Variants in DNAL1 observed in about 807,000 individuals in gnomAD.
DNAL1 encodes chromosome 14 open reading frame 168.
DNAL1 carries 17 observed loss-of-function variants against 29.4 expected under a neutral mutation model. The ratio of observed to expected loss-of-function variants is 0.58; its 90% CI spans 0.40 to 0.87. DNAL1 has a LOEUF of 0.87. Among genes scored for constraint, DNAL1 ranks in the 40% least tolerant of loss-of-function variants. The pLI, the probability that DNAL1 is intolerant of heterozygous loss-of-function variation, is 0.00. For synonymous variants in DNAL1, 78 were observed against 76.3 expected (o/e 1.02, Z -0.12); for missense variants, 188 against 214.1 (o/e 0.88, Z 0.76).
chr14:73,666,338 A>C (rs1891476399), intron 4 of DNAL1, among the ~76,000 whole-genome samples: 1 of 152,228 alleles, frequency 6.6e-6, no homozygotes, highest in Non-Finnish European at 1.5e-5. Context: ...TCAAACCATG[A>C]CTAAAAAGCT....
chr14:73,695,842 C>A, intron 7 of DNAL1, 60 bp from the exon 8 acceptor site: 1 of 1,438,190 alleles, frequency 7.0e-7, no homozygotes, highest in South Asian at 1.2e-5. Flanking sequence ...AAAATATTTT[C>A]ATCTAGAATT....
At chr14:73,680,165 T>G (rs1486905408) in intron 5 of DNAL1, among the ~76,000 whole-genome samples, 1 of 152,198 alleles carries the variant, frequency 6.6e-6, no homozygotes, top group Non-Finnish European at 1.5e-5. Context: ...TTTATCAAAT[T>G]ATCTTAATAT....
At chr14:73,683,201 A>AGAAG (rs1330095860) in intron 5 of DNAL1, among the ~76,000 whole-genome samples, 1 of 152,112 alleles carries the variant, frequency 6.6e-6, no homozygotes, top group Non-Finnish European at 1.5e-5. Context: ...TTTAATAAGT[A>AGAAG]GAAGGGGTAT....
intron 2 of DNAL1, among the ~76,000 whole-genome samples, chr14:73,655,403 G>A (rs1385800301): frequency 6.7e-6 from 1 of 148,722 alleles, no homozygotes; most frequent in Non-Finnish European, 1.5e-5. Flanking sequence ...GGAGTGCAGT[G>A]GTGTGACCTC....
intron 5 of DNAL1, among the ~76,000 whole-genome samples, chr14:73,686,633 G>A (rs1486618209): frequency 6.6e-6 from 1 of 152,142 alleles, no homozygotes; most frequent in Non-Finnish European, 1.5e-5. Context: ...TTGAGCCCGG[G>A]GGAGGTTGAG....
In DNAL1 at chr14:73,650,932, A is replaced by T. The variant is rs748111843; in HGVS notation, c.4-3915A>T. Among the ~76,000 whole-genome samples, 10 of 152,342 alleles carry T rather than the reference A, an allele frequency of 6.6e-5. No individual in the cohort carries two copies. The East Asian group carries it at 1.9e-3, about 29-fold the overall frequency. ...GCTGGGACTACAGGCATGTGTCACC[A>T]AACCCAGCTGCTGAGAGCTTTTAAC... is the stretch of plus-strand genomic sequence containing the variant. On this transcript the variant is annotated intron_variant, in intron 1 of 7. Transcript: ENST00000553645.
Position 73,645,038 on chromosome 14 carries a change from G to T in DNAL1, c.-2G>T. ...AGAGCAGTGACAGTAGCAACCGCCG[G>T]AATGGTGAGTACCTTTCGGGCCGCG... On this transcript the variant is annotated 5_prime_UTR_variant, in exon 1 of 8. Coordinates refer to ENST00000553645, the MANE Select transcript of DNAL1 (RefSeq NM_031427.4). 1.2e-6 allele frequency: 2 copies of T among 1,609,528 alleles called. No individual in the cohort carries two copies. The highest frequency in any genetic ancestry group is 1.7e-4 in the Middle Eastern group (1 of 6,058).
At chr14:73,682,922 G>A (rs1416229030) in intron 5 of DNAL1, among the ~76,000 whole-genome samples, 1 of 142,018 alleles carries the variant, frequency 7.0e-6, no homozygotes, top group Non-Finnish European at 1.5e-5. Flanking sequence ...TGTTGCCCAG[G>A]CCAGAGTGCA....
At chr14:73,661,103 G>A (rs924755930) in intron 3 of DNAL1, among the ~76,000 whole-genome samples, 2 of 151,920 alleles carry the variant, frequency 1.3e-5, no homozygotes, top group African/African-American at 2.4e-5. Context: ...GGCGGAGGTC[G>A]CAGTGAACTG....
chr14:73,661,922 A>T, intron 3 of DNAL1, 65 bp from the exon 4 acceptor site: 1 of 1,091,964 alleles, frequency 9.2e-7, no homozygotes, highest in South Asian at 1.5e-5. Flanking sequence ...CACTAGTGTT[A>T]AGGAATAATT....
chr14:73,676,984 T>TTA (rs1555402312), intron 5 of DNAL1, among the ~76,000 whole-genome samples: 1 of 147,416 alleles, frequency 6.8e-6, no homozygotes, highest in Non-Finnish European at 1.5e-5. Context: ...TTTTTTTTTT[T>TTA]AATTGAGATG....
At chr14:73,659,099 C>A in intron 3 of DNAL1, 143 bp downstream of exon 3, 2 of 540,198 alleles carry the variant, frequency 3.7e-6, no homozygotes, top group East Asian at 3.1e-5. Flanking sequence ...TTGGCAAGGT[C>A]AAACATGAAA....
chr14:73,653,296 G>T (rs1174954358), intron 1 of DNAL1: 2 of 152,166 alleles, frequency 1.3e-5, no homozygotes, highest in Non-Finnish European at 2.9e-5. Flanking sequence ...GGAACTCAGA[G>T]TATGCGTGTG....
chr14:73,667,993 CT>C (rs943843279), intron 4 of DNAL1, among the ~76,000 whole-genome samples: 1 of 152,134 alleles, frequency 6.6e-6, no homozygotes, highest in Non-Finnish European at 1.5e-5. Context: ...ATTACTCTTC[CT>C]TCATTCTCTC....
chr14:73,688,664 C>T (rs1299864687), intron 6 of DNAL1, among the ~76,000 whole-genome samples: 1 of 152,096 alleles, frequency 6.6e-6, no homozygotes, highest in Non-Finnish European at 1.5e-5. Context: ...TTCTGCAATA[C>T]AGATTTGAAT....
chr14:73,648,516 G>A (rs372194725), intron 1 of DNAL1, among the ~76,000 whole-genome samples: 1 of 147,972 alleles, frequency 6.8e-6, no homozygotes, highest in Non-Finnish European at 1.5e-5. Context: ...CACCTCCCGG[G>A]ATCCTCCCAC....
At chr14:73,661,432 A>G (rs1891354052) in intron 3 of DNAL1, among the ~76,000 whole-genome samples, 1 of 152,190 alleles carries the variant, frequency 6.6e-6, no homozygotes, top group Non-Finnish European at 1.5e-5. Context: ...TGGTCAAGAA[A>G]TGTATGCATT....
At chr14:73,676,052 T>A (rs889638022) in intron 5 of DNAL1, among the ~76,000 whole-genome samples, 5 of 150,066 alleles carry the variant, frequency 3.3e-5, no homozygotes, top group East Asian at 2.0e-4. Flanking sequence ...AATAAAATAT[T>A]TTTTTTTTGA....
intron 1 of DNAL1, among the ~76,000 whole-genome samples, chr14:73,645,397 AC>A (rs140011960): frequency 4.6e-5 from 7 of 150,974 alleles, no homozygotes; most frequent in Admixed American, 3.3e-4. Flanking sequence ...AATTTTAGTG[AC>A]CCCCCCGTCG....
Sources: allele counts gnomAD v4.1 joint callset (sites outside exome capture counted in the v4.1 genomes callset), GRCh38; gene constraint gnomAD v4.1.1; transcripts MANE v1.5; gene names NCBI Gene and HGNC (gene_info 2026-07-23, HGNC 2026-07-21).